Variants in CNOT10 observed in about 807,000 individuals in gnomAD.
The protein encoded by CNOT10 is CCR4-NOT transcription complex subunit 10, also known as CCR4-NOT transcription complex, subunit 10.
Under a neutral mutation model 94.6 loss-of-function variants are expected in CNOT10, and 30 were observed. The observed-to-expected ratio is 0.32, with a 90% CI of 0.24 to 0.43. The LOEUF (loss-of-function observed/expected upper bound fraction) is 0.43, where lower values mean the gene tolerates loss of function less well. Ranked by LOEUF, CNOT10 falls within the 20% of genes least tolerant of loss-of-function variation. The pLI is 1.00. For synonymous variants in CNOT10, 289 were observed against 301.6 expected (o/e 0.96, Z 0.43); for missense variants, 759 against 877.2 (o/e 0.87, Z 1.70).
intron 1 of CNOT10, among the ~76,000 whole-genome samples, chr3:32,703,078 ATT>A (rs67920905): frequency 2.6e-4 from 32 of 124,216 alleles, no homozygotes; most frequent in African/African-American, 8.8e-4. Flanking sequence ...CGCCAAGCTA[ATT>A]TTTTTTTTTT....
intron 13 of CNOT10, among the ~76,000 whole-genome samples, chr3:32,751,205 G>T (rs754496620): frequency 2.0e-5 from 3 of 152,126 alleles, no homozygotes; most frequent in Non-Finnish European, 4.4e-5. Context: ...GGTTCAAGCA[G>T]CCCTCCCACC....
chr3:32,719,582 G>C (rs1250875083), intron 7 of CNOT10, among the ~76,000 whole-genome samples: 1 of 152,154 alleles, frequency 6.6e-6, no homozygotes, highest in African/African-American at 2.4e-5. Flanking sequence ...CATTCAAAAC[G>C]TGATCTTTGG....
chr3:32,741,955 GTTTTTATTTTAT>G (rs968886592), intron 13 of CNOT10, among the ~76,000 whole-genome samples: 13 of 151,512 alleles, frequency 8.6e-5, no homozygotes, highest in African/African-American at 2.7e-4. Context: ...TGTGTTGTAG[GTTTTTATTTTAT>G]TTTTTATTTT....
intron 6 of CNOT10, 65 bp downstream of exon 6, chr3:32,716,376 G>A (rs955385957): frequency 7.7e-6 from 6 of 780,672 alleles, no homozygotes; most frequent in Admixed American, 4.9e-5. Flanking sequence ...GACAAATGAA[G>A]CAATGAGATA....
At position 32,746,960 on chromosome 3, in the gene CNOT10, A is replaced by G. The variant is rs115785578; in HGVS notation, c.1595+9470A>G. Among the ~76,000 whole-genome samples, 668 of 151,476 alleles carry G rather than the reference A, an allele frequency of 4.4e-3. 7 individuals are homozygous for G. Among genetic ancestry groups the G allele is most frequent in the African/African-American group, 0.016 (645 of 41,224 alleles). ...GGAGCAGCTGTAAATATAGATGAAT[A>G]TAGCTGTAAATATAGGTGTGGTGGC... is the stretch of plus-strand genomic sequence containing the variant. On this transcript the variant is annotated intron_variant, in intron 13 of 18. Coordinates refer to ENST00000328834, the MANE Select transcript of CNOT10 (RefSeq NM_015442.3).
At chr3:32,749,064 C>G (rs1699844086) in intron 13 of CNOT10, among the ~76,000 whole-genome samples, 1 of 151,902 alleles carries the variant, frequency 6.6e-6, no homozygotes, top group South Asian at 2.1e-4. Flanking sequence ...TCAGGTGATC[C>G]ACCTGCCTCG....
chr3:32,733,009 A>G (rs1699026249), intron 10 of CNOT10, among the ~76,000 whole-genome samples: 1 of 152,180 alleles, frequency 6.6e-6, no homozygotes, highest in African/African-American at 2.4e-5. Context: ...TTAAGAAGGA[A>G]ATGATCTGTG....
At chr3:32,736,938 A>G (rs969013853) in intron 12 of CNOT10, among the ~76,000 whole-genome samples, 1 of 152,178 alleles carries the variant, frequency 6.6e-6, no homozygotes, top group African/African-American at 2.4e-5. Flanking sequence ...AAACTAATAT[A>G]CAATATAGCT....
At chr3:32,695,285 A>G (rs1696998529) in intron 1 of CNOT10, among the ~76,000 whole-genome samples, 1 of 152,174 alleles carries the variant, frequency 6.6e-6, no homozygotes, top group Non-Finnish European at 1.5e-5. Flanking sequence ...GTATAGTGAC[A>G]TTAGTGGGCC....
intron 14 of CNOT10, among the ~76,000 whole-genome samples, chr3:32,760,827 T>G (rs557428632): frequency 6.8e-5 from 10 of 147,172 alleles, no homozygotes; most frequent in South Asian, 2.2e-4. Flanking sequence ...AGTGTTTTTG[T>G]TTTTTTTTTA....
Position 32,747,819 on chromosome 3 carries a change from G to A in CNOT10, c.1595+10329G>A, listed in dbSNP as rs1360944624. ...AAAAATTAGCTGGGCGTAGTGGCGC[G>A]CCCATGTAGTCCCAGCTCCTCGGGA... is the stretch of plus-strand genomic sequence containing the variant. On this transcript the variant is annotated intron_variant, in intron 13 of 18. Coordinates refer to ENST00000328834, the MANE Select transcript of CNOT10 (RefSeq NM_015442.3). Among the ~76,000 whole-genome samples the A allele has an allele frequency of 5.3e-5, 8 of 152,098 alleles. No homozygotes were observed. The South Asian group carries it at 6.2e-4, about 12-fold the overall frequency.
In CNOT10 at chr3:32,751,187, A is replaced by ACTTCCCAGGTTCAAGCAGC. The variant is rs555083660; in HGVS notation, c.1596-8269_1596-8251dup. On this transcript the variant is annotated intron_variant, in intron 13 of 18. Transcript: ENST00000328834. ...ACAATCTTGGCTCATTGCAGCCTCT[A>ACTTCCCAGGTTCAAGCAGC]CTTCCCAGGTTCAAGCAGCCCTCCC... 3.0e-4 allele frequency among the ~76,000 whole-genome samples: 46 copies of ACTTCCCAGGTTCAAGCAGC among 152,244 alleles called. No homozygotes were observed. In the East Asian group the frequency reaches 6.6e-3, roughly 22 times the overall value.
chr3:32,695,549 G>A, intron 1 of CNOT10: 1 of 1,522,108 alleles, frequency 6.6e-7, no homozygotes, highest in Non-Finnish European at 8.8e-7. Flanking sequence ...TCAGTTAACT[G>A]ATGATTTTCA....
intron 15 of CNOT10, among the ~76,000 whole-genome samples, chr3:32,763,854 G>C (rs1700550248): frequency 6.6e-6 from 1 of 151,966 alleles, no homozygotes; most frequent in East Asian, 1.9e-4. Context: ...CTCTCAGCTG[G>C]CCACAGTGGC....
At chr3:32,766,614 C>CA in intron 17 of CNOT10, among the ~76,000 whole-genome samples, 1 of 126,470 alleles carries the variant, frequency 7.9e-6, no homozygotes, top group Non-Finnish European at 1.6e-5. Context: ...GCCCGGGCAA[C>CA]AGAGCGGGAC....
chr3:32,695,968 AGTGTGTGTGTGTGTGTGTGTGTGT>A (rs764702440), intron 1 of CNOT10: 14 of 433,048 alleles, frequency 3.2e-5, no homozygotes, highest in South Asian at 1.2e-4. Context: ...TGTTGAAGAG[AGTGTGTGTGTGTGTGTGTGTGTGT>A]GTGTGTGTGT....
At chr3:32,727,984 TTTATTTATTTA>T in intron 10 of CNOT10, 114 bp downstream of exon 10, 1 of 103,206 alleles carries the variant, frequency 9.7e-6, no homozygotes, top group Non-Finnish European at 1.9e-5. Flanking sequence ...TCTCTTTTTA[TTTATTTATTTA>T]TTTATTTATT....
chr3:32,750,125 C>T (rs1051095069), intron 13 of CNOT10, among the ~76,000 whole-genome samples: 1 of 151,908 alleles, frequency 6.6e-6, no homozygotes, highest in Non-Finnish European at 1.5e-5. Flanking sequence ...GTGGGAGGAT[C>T]GCTTGGGCCC....
intron 7 of CNOT10, 39 bp from the exon 8 acceptor site, chr3:32,720,075 G>A (rs768988166): frequency 8.8e-7 from 1 of 1,140,230 alleles, no homozygotes; most frequent in Non-Finnish European, 1.3e-6. Context: ...TTAGGCGTCT[G>A]AAAACAAATT....
Sources: gnomAD v4.1 joint callset for allele counts (sites outside exome capture counted in the v4.1 genomes callset) on GRCh38, gnomAD v4.1.1 for gene constraint, MANE v1.5 for transcripts, NCBI Gene and HGNC (gene_info 2026-07-23, HGNC 2026-07-21) for gene names.